Variants in CREBL2 observed in about 807,000 individuals in gnomAD.
CREBL2 encodes the protein cAMP responsive element binding protein like 2, also known as cAMP-responsive element-binding protein-like 2.
A neutral mutation model predicts 19.5 loss-of-function variants in CREBL2; 4 were observed. That is an observed-to-expected ratio of 0.20 (90% confidence interval 0.10 to 0.47). The LOEUF is 0.47. CREBL2 is among the 20% of genes least tolerant of loss of function. The pLI, the probability that CREBL2 is intolerant of heterozygous loss-of-function variation, is 0.98. For missense variants in CREBL2, 85 were observed against 145.1 expected, an observed-to-expected ratio of 0.59 and a Z score of 2.13; for synonymous variants, 42 against 46.6, an observed-to-expected ratio of 0.90 and a Z score of 0.40.
intron 1 of CREBL2, among the ~76,000 whole-genome samples, chr12:12,622,645 G>A (rs1945368628): frequency 6.6e-6 from 1 of 152,204 alleles, no homozygotes; most frequent in Non-Finnish European, 1.5e-5. Flanking sequence ...TTAGCAGCAG[G>A]AAGATGTGAG....
intron 3 of CREBL2, among the ~76,000 whole-genome samples, chr12:12,639,107 A>G (rs922301843): frequency 3.3e-5 from 5 of 152,178 alleles, no homozygotes; most frequent in Non-Finnish European, 7.3e-5. Context: ...GTCACCTAGT[A>G]TAATGTTTTC....
At position 12,641,253 on chromosome 12, in the gene CREBL2, A is replaced by ATTATTTTTT. The variant is rs1478394376; in HGVS notation, c.359-739_359-738insATTTTTTTT. On this transcript the variant is annotated intron_variant, in intron 3 of 3. Coordinates refer to ENST00000228865, the MANE Select transcript of CREBL2 (RefSeq NM_001310.4). ...TATTATTATTATTATTATTATTATT[A>ATTATTTTTT]TTTTTTTTTATTTTTTTTTTTTTTA... Among the ~76,000 whole-genome samples, 59 of 78,228 alleles carry ATTATTTTTT rather than the reference A, an allele frequency of 7.5e-4. 1 individual carries two copies. Among genetic ancestry groups the ATTATTTTTT allele is most frequent in the African/African-American group, 2.0e-3 (41 of 20,870 alleles). 51.3% of individuals were successfully genotyped at this position (78,228 alleles called of 152,430 possible). A position where few individuals can be genotyped will look rare whatever the true frequency, so the allele number is the denominator to read the frequency against.
At chr12:12,619,619 A>G (rs1209770001) in intron 1 of CREBL2, among the ~76,000 whole-genome samples, 3 of 152,270 alleles carry the variant, frequency 2.0e-5, no homozygotes, top group South Asian at 4.2e-4. Flanking sequence ...TCAAAGGAAA[A>G]AGGAAAGTTT....
chr12:12,638,695 T>C (rs190871563), intron 3 of CREBL2, among the ~76,000 whole-genome samples: 30 of 152,320 alleles, frequency 2.0e-4, no homozygotes, highest in African/African-American at 7.0e-4. Flanking sequence ...ATTATACTTA[T>C]TTTATAGATG....
At chr12:12,626,702 TACAA>T (rs916740619) in intron 1 of CREBL2, among the ~76,000 whole-genome samples, 2 of 152,042 alleles carry the variant, frequency 1.3e-5, no homozygotes. Context: ...AAGAGACTCT[TACAA>T]ACAAACTGTG....
At chr12:12,641,905 G>GA (rs928166557) in intron 3 of CREBL2, 89 bp from the exon 4 acceptor site, 4,333 of 788,792 alleles carry the variant, frequency 5.5e-3, no homozygotes, top group South Asian at 8.9e-3. Flanking sequence ...ATACTAAACT[G>GA]AAAAAAAAAA....
chr12:12,637,274 G>C (rs1368820319), intron 2 of CREBL2, among the ~76,000 whole-genome samples: 3 of 152,056 alleles, frequency 2.0e-5, no homozygotes, highest in African/African-American at 7.2e-5. Context: ...CACACTGTGG[G>C]GAGATGTCCT....
At chr12:12,614,864 T>C in intron 1 of CREBL2, 1 of 259,810 alleles carries the variant, frequency 3.8e-6, no homozygotes, top group South Asian at 3.7e-5. Flanking sequence ...TTAGTTTTTT[T>C]TTTTTTTTTT....
chr12:12,636,991 C>G (rs528059025), intron 2 of CREBL2, among the ~76,000 whole-genome samples: 1 of 152,244 alleles, frequency 6.6e-6, no homozygotes, highest in Admixed American at 6.5e-5. Context: ...CAGATATATG[C>G]TATTCAGTAG....
At chr12:12,619,113 A>G (rs1410352738) in intron 1 of CREBL2, among the ~76,000 whole-genome samples, 2 of 151,826 alleles carry the variant, frequency 1.3e-5, no homozygotes, top group Non-Finnish European at 2.9e-5. Flanking sequence ...TCATTTTAGT[A>G]ATTCTTAAGT....
intron 3 of CREBL2, among the ~76,000 whole-genome samples, chr12:12,638,104 A>C (rs767676889): frequency 6.6e-6 from 1 of 151,998 alleles, no homozygotes; most frequent in Non-Finnish European, 1.5e-5. Context: ...CTTTAAATAA[A>C]ATGTTGATGC....
In CREBL2 at chr12:12,637,649, A is replaced by G; in HGVS notation, c.293A>G (p.Asn98Ser). 6.2e-7 allele frequency: 1 copy of G among 1,613,868 alleles called. No homozygotes were observed. The highest frequency in any genetic ancestry group is 8.5e-7 in the Non-Finnish European group (1 of 1,179,812). ...GCCCTACTCACTGGAGAAGAGCAGA[A>G]CAAATCTCAGCAGAACTCAAGCAGG... ...IKALLTGEEQ[N>S]KSQQNSSRHT... Residue 98 changes from asparagine to serine, a missense_variant, in exon 3 of 4, where the codon AAC becomes AGC. Asn to Ser is a conservative substitution (Grantham distance 46, BLOSUM62 1). Transcript: ENST00000228865.
intron 1 of CREBL2, among the ~76,000 whole-genome samples, chr12:12,627,236 T>C (rs1945408481): frequency 6.6e-6 from 1 of 152,156 alleles, no homozygotes; most frequent in Non-Finnish European, 1.5e-5. Context: ...ACCACACTAA[T>C]GAAAGATGTT....
rs768285407 is a variant in CREBL2 at position 12,612,208 on chromosome 12, G to A, written c.15+21G>A. 21 of 1,613,510 alleles carry A rather than the reference G, an allele frequency of 1.3e-5. No individual in the cohort carries two copies. The East Asian group carries it at 4.2e-4, about 33-fold the overall frequency. ...GTAAGGTAAGTCTTGTGGTTTGCAC[G>A]CGCCGCCGCCTTCTTGTCGCTCAAT... is the stretch of plus-strand genomic sequence containing the variant. On this transcript the variant is annotated intron_variant, in intron 1 of 3. Coordinates refer to ENST00000228865, the MANE Select transcript of CREBL2 (RefSeq NM_001310.4).
At chr12:12,621,948 A>T (rs1945363113) in intron 1 of CREBL2, among the ~76,000 whole-genome samples, 1 of 152,224 alleles carries the variant, frequency 6.6e-6, no homozygotes, top group South Asian at 2.1e-4. Context: ...AAAATGTAGG[A>T]ACTGGGACAA....
chr12:12,632,068 C>CTTTTTTTTTTTTTTTTTTT (rs869253910), intron 1 of CREBL2, among the ~76,000 whole-genome samples: 3 of 80,598 alleles, frequency 3.7e-5, no homozygotes, highest in African/African-American at 1.5e-4. Flanking sequence ...CTATGCCTTT[C>CTTTTTTTTTTTTTTTTTTT]TTTTTTTTTT....
chr12:12,613,160 G>A (rs1420216833), intron 1 of CREBL2, among the ~76,000 whole-genome samples: 1 of 152,334 alleles, frequency 6.6e-6, no homozygotes, highest in Non-Finnish European at 1.5e-5. Context: ...GTGAGCCACC[G>A]CGCCTGGCCG....
At position 12,612,207 on chromosome 12, in the gene CREBL2, C is replaced by T. The variant is rs1256805719; in HGVS notation, c.15+20C>T. ...AGTAAGGTAAGTCTTGTGGTTTGCA[C>T]GCGCCGCCGCCTTCTTGTCGCTCAA... On this transcript the variant is annotated intron_variant, in intron 1 of 3. Transcript: ENST00000228865. 3 of 1,613,458 alleles carry T rather than the reference C, an allele frequency of 1.9e-6. No individual in the cohort carries two copies. The highest frequency in any genetic ancestry group is 1.7e-5 in the Admixed American group (1 of 60,028).
intron 2 of CREBL2, 86 bp downstream of exon 2, chr12:12,636,060 C>T (rs998070371): frequency 7.9e-7 from 1 of 1,259,900 alleles, no homozygotes; most frequent in Non-Finnish European, 1.1e-6. Flanking sequence ...CCAGTTATCA[C>T]CTGTCCAGTT....
Sources: allele counts gnomAD v4.1 joint callset (sites outside exome capture counted in the v4.1 genomes callset), GRCh38; gene constraint gnomAD v4.1.1; transcripts MANE v1.5; gene names NCBI Gene and HGNC (gene_info 2026-07-23, HGNC 2026-07-21).